TMEM132B: variants seen among roughly 807,000 people sequenced by gnomAD.
The protein encoded by TMEM132B is transmembrane protein 132B.
In TMEM132B, 18 loss-of-function variants were observed where a neutral mutation model predicts 90.8. That is an observed-to-expected ratio of 0.20 (90% CI 0.14 to 0.29). The LOEUF is 0.29. Ranked by LOEUF, TMEM132B falls within the 10% of genes least tolerant of loss-of-function variation. The pLI is 1.00. For missense variants in TMEM132B, 1,096 were observed against 1,326.8 expected (o/e 0.83, Z 2.70); for synonymous variants, 504 against 523.3 (o/e 0.96, Z 0.50).
Position 125,213,825 on chromosome 12 carries a change from A to G in TMEM132B, c.67+26959A>G, listed in dbSNP as rs1434078140. Reference sequence around the variant, plus strand: ...AGGGAGGTTCCTTGTGGCCAGTGCCAGGTTAGAATCTACTTTACAAAAATG... The same window carrying G: ...AGGGAGGTTCCTTGTGGCCAGTGCCGGGTTAGAATCTACTTTACAAAAATG... On this transcript the variant is annotated intron_variant, in intron 1 of 8. Transcript: ENST00000682704. This position sits in a 1 kb window ranked among gnomAD's most constrained non-coding sequence, Gnocchi z 4.2. 1.3e-5 allele frequency among the ~76,000 whole-genome samples: 2 copies of G among 152,264 alleles called. No individual in the cohort carries two copies. The highest frequency in any genetic ancestry group is 6.5e-5 in the Admixed American group (1 of 15,286).
intron 4 of TMEM132B, among the ~76,000 whole-genome samples, chr12:125,555,585 G>C (rs377446166): frequency 8.3e-6 from 1 of 120,052 alleles, no homozygotes; most frequent in Non-Finnish European, 1.7e-5. Flanking sequence ...GTGGGGGGAG[G>C]GATAGCATTA....
chr12:125,234,449 C>T (rs1193480816), intron 1 of TMEM132B, among the ~76,000 whole-genome samples: 2 of 152,162 alleles, frequency 1.3e-5, no homozygotes, highest in African/African-American at 4.8e-5. Context: ...CACAGTGGTT[C>T]TCCATGTGGG....
chr12:125,575,948 C>T (rs1884932078), intron 4 of TMEM132B, among the ~76,000 whole-genome samples: 1 of 152,050 alleles, frequency 6.6e-6, no homozygotes. Context: ...ATCCAGATTG[C>T]TATGGCTATT....
chr12:125,283,163 TTAA>T (rs1483311151), intron 1 of TMEM132B, among the ~76,000 whole-genome samples: 3 of 152,162 alleles, frequency 2.0e-5, no homozygotes, highest in Non-Finnish European at 4.4e-5. Context: ...GACTTGCCAA[TTAA>T]TGATCTGTTT....
chr12:125,630,932 A>G (rs940472167), intron 5 of TMEM132B, among the ~76,000 whole-genome samples: 1 of 152,044 alleles, frequency 6.6e-6, no homozygotes, highest in African/African-American at 2.4e-5. Context: ...ATTCTTAGAA[A>G]AAAACAACTT....
At chr12:125,537,677 G>T (rs1592981551) in intron 4 of TMEM132B, among the ~76,000 whole-genome samples, 1 of 152,220 alleles carries the variant, frequency 6.6e-6, no homozygotes, top group East Asian at 1.9e-4. Flanking sequence ...GGGGACGTCA[G>T]GTCCTGTTCT....
intron 3 of TMEM132B, among the ~76,000 whole-genome samples, chr12:125,417,818 C>T (rs548750030): frequency 3.9e-5 from 6 of 152,332 alleles, no homozygotes; most frequent in South Asian, 4.1e-4. Flanking sequence ...GCCAGGCACA[C>T]GTCCCAGTGC....
chr12:125,571,211 C>T (rs1884786364), intron 4 of TMEM132B, among the ~76,000 whole-genome samples: 1 of 152,166 alleles, frequency 6.6e-6, no homozygotes, highest in Non-Finnish European at 1.5e-5. Context: ...TTGCTCCCAT[C>T]CTGGCTCTGC....
At chr12:125,414,539 T>C (rs564729856) in intron 2 of TMEM132B, among the ~76,000 whole-genome samples, 3 of 152,336 alleles carry the variant, frequency 2.0e-5, no homozygotes, top group African/African-American at 7.2e-5. Flanking sequence ...GCCTTTCTTG[T>C]GGGTCCACAG....
chr12:125,276,199 G>C (rs1400551416), intron 1 of TMEM132B, among the ~76,000 whole-genome samples: 1 of 152,158 alleles, frequency 6.6e-6, no homozygotes, highest in Non-Finnish European at 1.5e-5. Context: ...TTGAATAAAG[G>C]ATAAGGAAAA....
chr12:125,615,719 G>C (rs1438034339), intron 5 of TMEM132B, among the ~76,000 whole-genome samples: 1 of 151,930 alleles, frequency 6.6e-6, no homozygotes, highest in African/African-American at 2.4e-5. Context: ...TCAACTCTTT[G>C]TTACATTGAA....
intron 1 of TMEM132B, among the ~76,000 whole-genome samples, chr12:125,298,630 C>T (rs1284281748): frequency 1.9e-4 from 26 of 135,076 alleles, no homozygotes; most frequent in Non-Finnish European, 2.3e-4. Context: ...GCCGAGATCG[C>T]GTCACTGCAC....
At position 125,210,949 on chromosome 12, in the gene TMEM132B, C is replaced by T. The variant is rs141877274; in HGVS notation, c.67+24083C>T. Among the ~76,000 whole-genome samples the T allele has an allele frequency of 2.6e-3, 389 of 152,024 alleles. 2 individuals carry two copies. Among genetic ancestry groups the T allele is most frequent in the African/African-American group, 9.0e-3 (375 of 41,470 alleles). ...CTGCACTCTAGCCTGGGTGACAGAA[C>T]GAAACCCTGTCTCAAAAGAGAAAGT... On this transcript the variant is annotated intron_variant, in intron 1 of 8. Coordinates refer to ENST00000682704, the MANE Select transcript of TMEM132B (RefSeq NM_001366854.1).
chr12:125,430,742 C>T (rs945009332), intron 3 of TMEM132B, among the ~76,000 whole-genome samples: 4 of 152,190 alleles, frequency 2.6e-5, no homozygotes, highest in Non-Finnish European at 4.4e-5. Flanking sequence ...GGAAACAAAA[C>T]CAGTGAGTCG....
chr12:125,612,512 A>C (rs1885857864), intron 5 of TMEM132B, among the ~76,000 whole-genome samples: 1 of 130,412 alleles, frequency 7.7e-6, no homozygotes, highest in Admixed American at 7.4e-5. Flanking sequence ...AATGACCAAT[A>C]CAATTGTGTG....
intron 5 of TMEM132B, among the ~76,000 whole-genome samples, chr12:125,624,199 C>T (rs900046247): frequency 1.3e-5 from 2 of 152,090 alleles, no homozygotes; most frequent in Admixed American, 6.5e-5. Flanking sequence ...AGAAATGTAG[C>T]CAAGTGCAAA....
chr12:125,558,329 G>A (rs1267927168), intron 4 of TMEM132B, among the ~76,000 whole-genome samples: 1 of 152,084 alleles, frequency 6.6e-6, no homozygotes, highest in African/African-American at 2.4e-5. Flanking sequence ...AGAACTTACA[G>A]GTTTCTTAGG....
intron 1 of TMEM132B, among the ~76,000 whole-genome samples, chr12:125,197,215 C>G (rs12578774): frequency 6.6e-6 from 1 of 151,906 alleles, no homozygotes. Context: ...CCATGGAAAT[C>G]GCTAAGATTA....
chr12:125,484,967 A>G (rs759104943), intron 3 of TMEM132B, among the ~76,000 whole-genome samples: 1 of 152,044 alleles, frequency 6.6e-6, no homozygotes, highest in African/African-American at 2.4e-5. Context: ...CAAAAACTCA[A>G]CTTCTGCTCA....
Sources: allele counts gnomAD v4.1 joint callset (sites outside exome capture counted in the v4.1 genomes callset), GRCh38; gene constraint gnomAD v4.1.1; non-coding constraint Gnocchi (gnomAD v3.1); transcripts MANE v1.5; gene names NCBI Gene and HGNC (gene_info 2026-07-23, HGNC 2026-07-21).